Variants in SPOP observed in about 807,000 individuals in gnomAD.
SPOP encodes speckle-type POZ protein.
A neutral mutation model predicts 45.6 loss-of-function variants in SPOP; 11 were observed. The ratio of observed to expected loss-of-function variants is 0.24; its 90% confidence interval spans 0.15 to 0.40. SPOP has a LOEUF of 0.40. Ranked by LOEUF, SPOP falls within the 10% of genes least tolerant of loss-of-function variation. The pLI, the probability that SPOP is intolerant of heterozygous loss-of-function variation, is 1.00. For missense variants in SPOP, 152 were observed against 465.6 expected, an observed-to-expected ratio of 0.33 and a Z score of 6.20; for synonymous variants, 166 against 166.3, an observed-to-expected ratio of 1.00 and a Z score of 0.01.
At chr17:49,615,040 G>A (rs1042585575) in intron 5 of SPOP, among the ~76,000 whole-genome samples, 8 of 151,664 alleles carry the variant, frequency 5.3e-5, no homozygotes, top group African/African-American at 1.9e-4. Context: ...TAATTTTTTT[G>A]TAGAGACAGG....
intron 1 of SPOP, among the ~76,000 whole-genome samples, chr17:49,673,501 G>A (rs918126498): frequency 5.3e-5 from 8 of 151,900 alleles, no homozygotes; most frequent in African/African-American, 1.9e-4. Flanking sequence ...GCAAGACTCT[G>A]TCTCAGAAAA....
intron 5 of SPOP, among the ~76,000 whole-genome samples, chr17:49,614,115 T>C (rs1352510376): frequency 6.6e-6 from 1 of 152,222 alleles, no homozygotes; most frequent in Non-Finnish European, 1.5e-5. Flanking sequence ...ATTTCATCTA[T>C]ACATAAAGTA....
intron 1 of SPOP, among the ~76,000 whole-genome samples, chr17:49,654,743 T>C (rs996070778): frequency 3.3e-5 from 5 of 152,088 alleles, no homozygotes; most frequent in African/African-American, 1.2e-4. Flanking sequence ...TGAGATCGCA[T>C]CAATGCACTC....
At chr17:49,611,565 T>A in intron 5 of SPOP, 108 bp from the exon 6 acceptor site, 2 of 996,750 alleles carry the variant, frequency 2.0e-6, no homozygotes, top group Non-Finnish European at 3.1e-6. Flanking sequence ...ATACTAATAT[T>A]AATCATATTA....
chr17:49,617,985 T>A (rs2072126941), intron 5 of SPOP, among the ~76,000 whole-genome samples: 1 of 151,802 alleles, frequency 6.6e-6, no homozygotes, highest in Admixed American at 6.6e-5. Context: ...CCGCTAGGCC[T>A]TTTCTGCAAA....
chr17:49,607,215 T>C (rs1474957022), intron 8 of SPOP, 35 bp downstream of exon 8: 2 of 1,613,632 alleles, frequency 1.2e-6, no homozygotes, highest in Non-Finnish European at 1.7e-6. Flanking sequence ...TCACAATAAC[T>C]CCTAGTCCTG....
At position 49,619,709 on chromosome 17, in the gene SPOP, G is replaced by A. The variant is rs1440095084; in HGVS notation, c.201-324C>T. 2.0e-5 allele frequency among the ~76,000 whole-genome samples: 3 copies of A among 152,046 alleles called. No homozygotes were observed. The highest frequency in any genetic ancestry group is 7.2e-5 in the African/African-American group (3 of 41,386). ...CCACCATGGCCAGCTAATTTTTGTAGAGATGGGGTTTCGCCATATTGCCCA... is the reference window on the plus strand; with the variant it reads ...CCACCATGGCCAGCTAATTTTTGTAAAGATGGGGTTTCGCCATATTGCCCA... On this transcript the variant is annotated intron_variant, in intron 3 of 9. Transcript: ENST00000504102. This position sits in a 1 kb window ranked among gnomAD's most constrained non-coding sequence, Gnocchi z 4.9.
At chr17:49,677,588 A>C (rs551967660) in intron 1 of SPOP, among the ~76,000 whole-genome samples, 61 of 152,216 alleles carry the variant, frequency 4.0e-4, no homozygotes, top group East Asian at 1.4e-3. Flanking sequence ...GGCAGCGAAG[A>C]AGCAGCCCGA....
intron 1 of SPOP, among the ~76,000 whole-genome samples, chr17:49,652,208 G>GA (rs777522075): frequency 1.3e-5 from 2 of 151,956 alleles, no homozygotes; most frequent in Non-Finnish European, 2.9e-5. Flanking sequence ...TTCAAAATCA[G>GA]AAAAAAATAA....
intron 1 of SPOP, among the ~76,000 whole-genome samples, chr17:49,668,376 A>C (rs1321337137): frequency 2.0e-5 from 3 of 152,150 alleles, no homozygotes; most frequent in Non-Finnish European, 4.4e-5. Flanking sequence ...GTTAAAATGA[A>C]CTCAAGTTAC....
rs1402647904 is a variant in SPOP at position 49,637,742 on chromosome 17, C to A, written c.-66-14866G>T. 4.6e-5 allele frequency among the ~76,000 whole-genome samples: 7 copies of A among 152,360 alleles called. No individual in the cohort carries two copies. In the South Asian group the frequency reaches 8.3e-4, roughly 18 times the overall value. ...AATATTTACAAGAAAAGAGAGATCA[C>A]TGTTGCCAGCTCTTTCACAAAATGC... On this transcript the variant is annotated intron_variant, in intron 1 of 9. Transcript: ENST00000504102.
chr17:49,611,249 A>G, intron 6 of SPOP, 31 bp downstream of exon 6: 4 of 1,591,330 alleles, frequency 2.5e-6, no homozygotes, highest in Non-Finnish European at 3.4e-6. Flanking sequence ...TTTCACCAAA[A>G]CTATAAAATT....
At chr17:49,640,395 A>G (rs1226815046) in intron 1 of SPOP, among the ~76,000 whole-genome samples, 1 of 152,304 alleles carries the variant, frequency 6.6e-6, no homozygotes, top group African/African-American at 2.4e-5. Flanking sequence ...TAGGATGAGA[A>G]GTCAGTAATA....
intron 1 of SPOP, among the ~76,000 whole-genome samples, chr17:49,633,293 C>G (rs909036378): frequency 3.9e-5 from 6 of 152,168 alleles, no homozygotes; most frequent in African/African-American, 1.4e-4. Context: ...TAGATCAAGG[C>G]AAGCTGAAGA....
chr17:49,637,501 C>CCACCA lies in SPOP; in HGVS notation c.-66-14630_-66-14626dup, dbSNP rs2072563889. On this transcript the variant is annotated intron_variant, in intron 1 of 9. Transcript: ENST00000504102. ...AAGTAGGTGGGATTACAGGTGCCTGCCACCACGCCTGGCTAATTTTTGTAT... is the reference window on the plus strand; with the variant it reads ...AAGTAGGTGGGATTACAGGTGCCTGCCACCACACCACGCCTGGCTAATTTTTGTAT... Among the ~76,000 whole-genome samples, 5 of 152,236 alleles carry CCACCA rather than the reference C, an allele frequency of 3.3e-5. No individual in the cohort carries two copies. The South Asian group carries it at 1.0e-3, about 32-fold the overall frequency.
At position 49,619,289 on chromosome 17, in the gene SPOP, C is replaced by A. The variant is rs2143270597; in HGVS notation, c.297G>T (p.Arg99=). 1 of 1,614,040 alleles carries A rather than the reference C, an allele frequency of 6.2e-7. No homozygotes were observed. The highest frequency in any genetic ancestry group is 8.5e-7 in the Non-Finnish European group (1 of 1,180,010). ...TCAGGATGGAGAATTTGAATTTTGC[C>A]CGAACTTCACTCTTTGGACAGCTGA... ...LLVSCPKSEV[R]AKFKFSILNA... Residue 99 remains arginine, a synonymous_variant, in exon 4 of 10, where the codon CGG becomes CGT. Coordinates refer to ENST00000504102, the MANE Select transcript of SPOP (RefSeq NM_001007228.2). This position sits in a 1 kb window ranked among gnomAD's most constrained non-coding sequence, Gnocchi z 4.9.
chr17:49,599,034 G>A lies in SPOP; in HGVS notation c.*1344C>T, dbSNP rs1026296647. ...ACTACCATTACTTGCCTTGGCAGAGGTAGGGGCCTGATCCCTCATCAGGAT... is the reference window on the plus strand; with the variant it reads ...ACTACCATTACTTGCCTTGGCAGAGATAGGGGCCTGATCCCTCATCAGGAT... On this transcript the variant is annotated 3_prime_UTR_variant, in exon 10 of 10. Transcript: ENST00000504102. 1 of 205,560 alleles carries A rather than the reference G, an allele frequency of 4.9e-6. No individual in the cohort carries two copies. The allele number at this position is 205,560 out of a possible 1,614,324, so 12.7% of individuals were successfully genotyped here. A position where few individuals can be genotyped will look rare whatever the true frequency, so the allele number is the denominator to read the frequency against.
intron 8 of SPOP, chr17:49,602,385 A>G (rs1358699821): frequency 5.6e-6 from 1 of 179,802 alleles, no homozygotes; most frequent in Non-Finnish European, 1.2e-5. Flanking sequence ...TCAACAGGGC[A>G]ACTCAATGGT....
intron 1 of SPOP, among the ~76,000 whole-genome samples, chr17:49,643,796 G>A (rs1179179972): frequency 6.6e-6 from 1 of 152,038 alleles, no homozygotes; most frequent in African/African-American, 2.4e-5. Flanking sequence ...CAGGCATAAT[G>A]GCAGGTGCCT....
Sources: gnomAD v4.1 joint callset for allele counts (sites outside exome capture counted in the v4.1 genomes callset) on GRCh38, gnomAD v4.1.1 for gene constraint, Gnocchi (gnomAD v3.1) non-coding constraint, MANE v1.5 for transcripts, NCBI Gene and HGNC (gene_info 2026-07-23, HGNC 2026-07-21) for gene names.